The following TMEM178B variants were observed in gnomAD, a reference collection of about 807,000 sequenced individuals.
The protein encoded by TMEM178B is transmembrane protein 178B.
A neutral mutation model predicts 31.0 loss-of-function variants in TMEM178B; 5 were observed. The observed-to-expected ratio is 0.16, with a 90% CI of 0.08 to 0.34. TMEM178B has a LOEUF of 0.34. Ranked by LOEUF, TMEM178B falls within the 10% of genes least tolerant of loss-of-function variation. TMEM178B has a pLI of 1.00. For synonymous variants in TMEM178B, 164 were observed against 164.0 expected (o/e 1.00, Z 0.00); for missense variants, 275 against 400.3 (o/e 0.69, Z 2.67).
intron 2 of TMEM178B, among the ~76,000 whole-genome samples, chr7:141,309,703 G>A (rs13221383): frequency 2.6e-5 from 4 of 152,018 alleles, no homozygotes; most frequent in African/African-American, 4.8e-5. Flanking sequence ...ATTTCCTATA[G>A]ATTTCTTATA....
chr7:141,220,422 C>T (rs1439707156), intron 2 of TMEM178B, among the ~76,000 whole-genome samples: 2 of 151,798 alleles, frequency 1.3e-5, no homozygotes, highest in Non-Finnish European at 2.9e-5. Flanking sequence ...GCTGGCCTGG[C>T]TGGGGGTCAG....
chr7:141,154,433 T>C (rs1157890276), intron 1 of TMEM178B, among the ~76,000 whole-genome samples: 3 of 152,202 alleles, frequency 2.0e-5, no homozygotes, highest in Non-Finnish European at 1.5e-5. Flanking sequence ...TTGGTGTCTT[T>C]GTGCAGTTAG....
chr7:141,170,559 CTG>C (rs2129182693), intron 1 of TMEM178B, among the ~76,000 whole-genome samples: 1 of 152,302 alleles, frequency 6.6e-6, no homozygotes, highest in African/African-American at 2.4e-5. Context: ...TGGAATTGCT[CTG>C]CAAATGATAC....
At chr7:141,447,748 C>G (rs918068942) in intron 3 of TMEM178B, among the ~76,000 whole-genome samples, 2 of 152,112 alleles carry the variant, frequency 1.3e-5, no homozygotes, top group African/African-American at 4.8e-5. Flanking sequence ...TGGCATGTGC[C>G]CCCTGAAGGT....
chr7:141,442,262 C>G, intron 3 of TMEM178B, among the ~76,000 whole-genome samples: 1 of 152,156 alleles, frequency 6.6e-6, no homozygotes, highest in East Asian at 1.9e-4. Context: ...CATCCATCAC[C>G]TCCTCCCCGA....
At chr7:141,409,325 A>G (rs2116631794) in intron 2 of TMEM178B, among the ~76,000 whole-genome samples, 1 of 152,294 alleles carries the variant, frequency 6.6e-6, no homozygotes, top group Non-Finnish European at 1.5e-5. Flanking sequence ...ACTGCATTTT[A>G]GACCTTTAAA....
intron 2 of TMEM178B, among the ~76,000 whole-genome samples, chr7:141,390,137 G>C (rs537927985): frequency 6.6e-6 from 1 of 152,050 alleles, no homozygotes; most frequent in Non-Finnish European, 1.5e-5. Context: ...AAGAAAGAGA[G>C]GGAATTATTT....
chr7:141,113,076 A>G (rs1156580595), intron 1 of TMEM178B, among the ~76,000 whole-genome samples: 1 of 152,262 alleles, frequency 6.6e-6, no homozygotes, highest in Non-Finnish European at 1.5e-5. Context: ...ATTCAGAGAC[A>G]GCAGGAACAG....
rs573373834 is a variant in TMEM178B, at chr7:141,369,572, T to C, written c.497-68036T>C. ...GAAAATTCAAAGGAAGGTGTTTTGCTTTTTCCCTGAGCAAGAATGCCGAGC... is the reference window on the plus strand; with the variant it reads ...GAAAATTCAAAGGAAGGTGTTTTGCCTTTTCCCTGAGCAAGAATGCCGAGC... On this transcript the variant is annotated intron_variant, in intron 2 of 3. Transcript: ENST00000565468. Among the ~76,000 whole-genome samples, 18 of 152,268 alleles carry C rather than the reference T, an allele frequency of 1.2e-4. No homozygotes were observed. The South Asian group carries it at 3.7e-3, about 32-fold the overall frequency.
At chr7:141,264,679 G>A (rs1563135675) in intron 2 of TMEM178B, among the ~76,000 whole-genome samples, 1 of 152,178 alleles carries the variant, frequency 6.6e-6, no homozygotes, top group Non-Finnish European at 1.5e-5. Context: ...ATTACACCAA[G>A]GATAAATATA....
intron 2 of TMEM178B, among the ~76,000 whole-genome samples, chr7:141,329,502 T>G (rs1799258573): frequency 1.3e-5 from 2 of 152,238 alleles, no homozygotes; most frequent in Admixed American, 1.3e-4. Context: ...TCAGCAGAGT[T>G]GCCTTTTATT....
the TMEM178B span, among the ~76,000 whole-genome samples, chr7:141,493,860 G>C: frequency 6.6e-6 from 1 of 152,112 alleles, no homozygotes; most frequent in Non-Finnish European, 1.5e-5. Flanking sequence ...AAATTCAGTA[G>C]GGAAAATACT....
chr7:141,227,254 A>G (rs917173300), intron 2 of TMEM178B, among the ~76,000 whole-genome samples: 1 of 152,232 alleles, frequency 6.6e-6, no homozygotes, highest in African/African-American at 2.4e-5. Context: ...CTGGCCAGGA[A>G]TAGTGGCATC....
chr7:141,491,037 A>T, the TMEM178B span, among the ~76,000 whole-genome samples: 2,030 of 151,410 alleles, frequency 0.013, 41 homozygotes, highest in African/African-American at 0.047. Context: ...TTACTTTTTT[A>T]TTTTTTTTGA....
At chr7:141,121,517 C>T (rs1286094401) in intron 1 of TMEM178B, among the ~76,000 whole-genome samples, 2 of 152,142 alleles carry the variant, frequency 1.3e-5, no homozygotes, top group Non-Finnish European at 2.9e-5. Context: ...CATGAGTGCT[C>T]TGTCTTCTTT....
chr7:141,088,990 C>A (rs1396791867), intron 1 of TMEM178B, among the ~76,000 whole-genome samples: 1 of 152,154 alleles, frequency 6.6e-6, no homozygotes, highest in Non-Finnish European at 1.5e-5. Flanking sequence ...AACTTTCATT[C>A]ATTCAACAAA....
chr7:141,195,135 A>G (rs1796761498), intron 1 of TMEM178B, among the ~76,000 whole-genome samples: 2 of 152,174 alleles, frequency 1.3e-5, no homozygotes, highest in Non-Finnish European at 2.9e-5. Context: ...CATTTTCCCC[A>G]TGGTCTTGTG....
At chr7:141,436,029 C>G (rs1801531840) in intron 2 of TMEM178B, among the ~76,000 whole-genome samples, 1 of 152,174 alleles carries the variant, frequency 6.6e-6, no homozygotes, top group African/African-American at 2.4e-5. Context: ...CAACTTCCTC[C>G]CTGGCCGGGG....
chr7:141,468,735 A>G (rs1373902119), intron 3 of TMEM178B, among the ~76,000 whole-genome samples: 1 of 152,130 alleles, frequency 6.6e-6, no homozygotes, highest in African/African-American at 2.4e-5. Context: ...AAGTGGGTTT[A>G]GGACCGGAGG....
Sources: gnomAD v4.1 joint callset for allele counts (sites outside exome capture counted in the v4.1 genomes callset) on GRCh38, gnomAD v4.1.1 for gene constraint, MANE v1.5 for transcripts, NCBI Gene and HGNC (gene_info 2026-07-23, HGNC 2026-07-21) for gene names.